The following MTMR7 variants were observed in gnomAD, a reference collection of about 807,000 sequenced individuals.
The protein encoded by MTMR7 is phosphatidylinositol-3-phosphate phosphatase MTMR7.
A neutral mutation model predicts 81.2 loss-of-function variants in MTMR7; 76 were observed. That is an observed-to-expected ratio of 0.94 (90% CI 0.78 to 1.13). The LOEUF (loss-of-function observed/expected upper bound fraction) is 1.13. Ranked by LOEUF, MTMR7 falls within the 50% of genes most tolerant of loss-of-function variation. The pLI, the probability that MTMR7 is intolerant of heterozygous loss-of-function variation, is 0.00. For synonymous variants in MTMR7, 372 were observed against 289.8 expected (o/e 1.28, Z -2.88); for missense variants, 1,044 against 820.0 (o/e 1.27, Z -3.34).
At chr8:17,328,307 C>T (rs142764948) in intron 7 of MTMR7, among the ~76,000 whole-genome samples, 28 of 152,292 alleles carry the variant, frequency 1.8e-4, no homozygotes, top group African/African-American at 6.7e-4. Flanking sequence ...CCTTCCTCTT[C>T]ACCACTTCCT....
At chr8:17,301,212 A>C (rs1041229974) in intron 13 of MTMR7, among the ~76,000 whole-genome samples, 9 of 152,242 alleles carry the variant, frequency 5.9e-5, no homozygotes, top group African/African-American at 2.2e-4. Flanking sequence ...CTTAAGGAAC[A>C]TGGAGTAGTG....
chr8:17,354,705 T>G (rs1819833052), intron 4 of MTMR7, among the ~76,000 whole-genome samples: 1 of 152,292 alleles, frequency 6.6e-6, no homozygotes, highest in African/African-American at 2.4e-5. Context: ...TAAGATAAGT[T>G]GTCAAACAAG....
chr8:17,332,104 T>C (rs571239728), intron 6 of MTMR7, among the ~76,000 whole-genome samples: 106 of 152,320 alleles, frequency 7.0e-4, no homozygotes, highest in African/African-American at 2.4e-3. Flanking sequence ...TCTTGCTATT[T>C]TATTAAGCAG....
At chr8:17,396,789 G>A (rs1220377293) in intron 1 of MTMR7, among the ~76,000 whole-genome samples, 4 of 151,848 alleles carry the variant, frequency 2.6e-5, no homozygotes, top group Non-Finnish European at 5.9e-5. Context: ...CACAACCCCA[G>A]GCAGTGCCTC....
At chr8:17,337,426 A>G (rs904246266) in intron 6 of MTMR7, among the ~76,000 whole-genome samples, 2 of 151,912 alleles carry the variant, frequency 1.3e-5, no homozygotes, top group African/African-American at 4.8e-5. Flanking sequence ...AGAACAAATT[A>G]ATGACAAAGT....
At position 17,300,729 on chromosome 8, in the gene MTMR7, C is replaced by G. The variant is rs1414322055; in HGVS notation, c.1621-505G>C. 2.0e-5 allele frequency among the ~76,000 whole-genome samples: 3 copies of G among 152,182 alleles called. No homozygotes were observed. The East Asian group carries it at 5.8e-4, about 29-fold the overall frequency. ...ATTATAAAACACTGTCATCACCTCCCCTGCCGAAAGAAAACCCCATACTCA... is the reference window on the plus strand; with the variant it reads ...ATTATAAAACACTGTCATCACCTCCGCTGCCGAAAGAAAACCCCATACTCA... On this transcript the variant is annotated intron_variant, in intron 13 of 13. Coordinates refer to ENST00000180173, the MANE Select transcript of MTMR7 (RefSeq NM_004686.5).
intron 1 of MTMR7, among the ~76,000 whole-genome samples, chr8:17,389,217 C>G (rs535439180): frequency 6.6e-6 from 1 of 152,328 alleles, no homozygotes; most frequent in African/African-American, 2.4e-5. Flanking sequence ...TCACTGTCCT[C>G]TGAATTGCTG....
chr8:17,305,980 C>G (rs1422736381), intron 10 of MTMR7, 23 bp from the exon 11 acceptor site: 2 of 1,554,558 alleles, frequency 1.3e-6, no homozygotes, highest in Admixed American at 3.6e-5. Context: ...GCATTAGAGA[C>G]TTTTTAAGGC....
chr8:17,315,188 C>T (rs1040670142), intron 7 of MTMR7, among the ~76,000 whole-genome samples: 2 of 152,128 alleles, frequency 1.3e-5, no homozygotes, highest in Admixed American at 1.3e-4. Context: ...TATGAAAAGA[C>T]ACAGAGGGAA....
intron 5 of MTMR7, among the ~76,000 whole-genome samples, chr8:17,347,729 T>C (rs1294614180): frequency 6.6e-6 from 1 of 152,226 alleles, no homozygotes; most frequent in Non-Finnish European, 1.5e-5. Context: ...CCGAATTTGT[T>C]TTCCTATCCT....
intron 7 of MTMR7, among the ~76,000 whole-genome samples, chr8:17,313,618 C>G (rs750768270): frequency 2.6e-5 from 4 of 152,268 alleles, no homozygotes; most frequent in South Asian, 2.1e-4. Flanking sequence ...ACAGGGAATG[C>G]TGCACTTGTT....
intron 5 of MTMR7, among the ~76,000 whole-genome samples, chr8:17,344,597 C>T (rs1044387265): frequency 3.9e-5 from 6 of 152,046 alleles, no homozygotes; most frequent in East Asian, 1.9e-4. Flanking sequence ...GGTGACAGAG[C>T]GAGACTCCAT....
intron 6 of MTMR7, 65 bp downstream of exon 6, chr8:17,341,298 G>C (rs1185196816): frequency 6.3e-7 from 1 of 1,595,336 alleles, no homozygotes. Flanking sequence ...CAGTCGGCTA[G>C]CCTTTGCCTG....
intron 7 of MTMR7, among the ~76,000 whole-genome samples, chr8:17,313,897 T>A (rs563859147): frequency 1.3e-5 from 2 of 152,288 alleles, no homozygotes; most frequent in East Asian, 3.9e-4. Flanking sequence ...ATGAAAATGA[T>A]CAAACTCCTC....
rs147084362 is a variant in MTMR7, at chr8:17,353,863, T to C, written c.469-4782A>G. Among the ~76,000 whole-genome samples, 19 of 152,344 alleles carry C rather than the reference T, an allele frequency of 1.2e-4. No individual in the cohort carries two copies. The East Asian group carries it at 2.7e-3, about 22-fold the overall frequency. On this transcript the variant is annotated intron_variant, in intron 4 of 13. Coordinates refer to ENST00000180173, the MANE Select transcript of MTMR7 (RefSeq NM_004686.5). ...TGCTGTCCTGGCAAGGGGAATCTTT[T>C]GGTAACTCTTTCACTCATTCAACAA...
intron 13 of MTMR7, 199 bp downstream of exon 13, chr8:17,301,955 G>A (rs1817145996): frequency 1.7e-6 from 1 of 574,744 alleles, no homozygotes; most frequent in Admixed American, 3.7e-5. Flanking sequence ...CCACAAACCA[G>A]ATGTGTGAAA....
chr8:17,337,936 G>A (rs1326475394), intron 6 of MTMR7, among the ~76,000 whole-genome samples: 6 of 152,224 alleles, frequency 3.9e-5, no homozygotes, highest in Non-Finnish European at 7.3e-5. Context: ...GGCCAGGAAC[G>A]ATTCAGGTCA....
chr8:17,334,747 C>T (rs1220296583), intron 6 of MTMR7, among the ~76,000 whole-genome samples: 1 of 152,340 alleles, frequency 6.6e-6, no homozygotes, highest in Middle Eastern at 3.4e-3. Context: ...TCCCAGATGA[C>T]ATCCACCAGG....
intron 7 of MTMR7, among the ~76,000 whole-genome samples, chr8:17,320,454 G>C (rs1344250728): frequency 1.3e-5 from 2 of 152,106 alleles, no homozygotes; most frequent in Non-Finnish European, 2.9e-5. Flanking sequence ...GAGCTGAGAA[G>C]GGAGAGCTGG....
Sources: gnomAD v4.1 joint callset for allele counts (sites outside exome capture counted in the v4.1 genomes callset) on GRCh38, gnomAD v4.1.1 for gene constraint, MANE v1.5 for transcripts, NCBI Gene and HGNC (gene_info 2026-07-23, HGNC 2026-07-21) for gene names.